GPC5: variants seen among roughly 807,000 people sequenced by gnomAD.
The protein encoded by GPC5 is glypican 5, also known as glypican-5.
GPC5 carries 47 observed loss-of-function variants against 53.9 expected under a neutral mutation model. The observed-to-expected ratio is 0.87, with a 90% CI of 0.69 to 1.11. The LOEUF is 1.11. Ranked by LOEUF, GPC5 falls within the 50% of genes most tolerant of loss-of-function variation. The probability of loss-of-function intolerance (pLI) is 0.00; values close to 1 mark genes in which losing one functional copy is unlikely to be tolerated. For missense variants in GPC5, 748 were observed against 713.1 expected, an observed-to-expected ratio of 1.05 and a Z score of -0.56; for synonymous variants, 286 against 263.3, an observed-to-expected ratio of 1.09 and a Z score of -0.84.
At chr13:92,078,734 G>T (rs945703842) in intron 6 of GPC5, among the ~76,000 whole-genome samples, 2 of 152,092 alleles carry the variant, frequency 1.3e-5, no homozygotes, top group Non-Finnish European at 2.9e-5. Context: ...CCCACTAGTA[G>T]TCCCTAGAAA....
At chr13:92,838,345 G>C (rs1352473045) in intron 7 of GPC5, among the ~76,000 whole-genome samples, 1 of 151,724 alleles carries the variant, frequency 6.6e-6, no homozygotes, top group South Asian at 2.1e-4. Context: ...TTAGCTGGGC[G>C]TGGTGGTGGG....
intron 5 of GPC5, among the ~76,000 whole-genome samples, chr13:91,800,659 C>CCT (rs2038120022): frequency 1.3e-5 from 2 of 152,004 alleles, no homozygotes; most frequent in African/African-American, 4.8e-5. Flanking sequence ...TTTTAAAAGA[C>CCT]CTTTTAGAGG....
chr13:92,300,914 A>T (rs528277313), intron 7 of GPC5, among the ~76,000 whole-genome samples: 216 of 152,354 alleles, frequency 1.4e-3, no homozygotes, highest in Non-Finnish European at 2.3e-3. Flanking sequence ...ATGTGGTCCC[A>T]ATATAGATCC....
chr13:92,492,834 G>A (rs1879818012), intron 7 of GPC5, among the ~76,000 whole-genome samples: 2 of 152,064 alleles, frequency 1.3e-5, no homozygotes, highest in African/African-American at 2.4e-5. Flanking sequence ...TCCAACTGTT[G>A]TCCAGTCAGT....
intron 7 of GPC5, among the ~76,000 whole-genome samples, chr13:92,604,352 A>T (rs979509758): frequency 4.6e-5 from 7 of 152,224 alleles, no homozygotes; most frequent in Non-Finnish European, 8.8e-5. Context: ...TAATATTTGT[A>T]AATACTCAAT....
rs114990184 is a variant in GPC5 at position 92,028,479 on chromosome 13, C to T, written c.1402-116351C>T. On this transcript the variant is annotated intron_variant, in intron 6 of 7. Coordinates refer to ENST00000377067, the MANE Select transcript of GPC5 (RefSeq NM_004466.6). The stretch of plus-strand genomic sequence containing the variant: ...TAATTTTCTTTTAATTTCAGGTGAC[C>T]GTCTCCCAAATTAATTTCTAATTGT... 8.2e-3 allele frequency among the ~76,000 whole-genome samples: 1,249 copies of T among 152,092 alleles called. 17 individuals are homozygous for T. The highest frequency in any genetic ancestry group is 0.028 in the African/African-American group (1,159 of 41,482).
chr13:91,446,464 G>C (rs554109698), intron 1 of GPC5, among the ~76,000 whole-genome samples: 3 of 152,242 alleles, frequency 2.0e-5, no homozygotes, highest in Admixed American at 2.0e-4. Flanking sequence ...CAGAGCCTGG[G>C]TTGTGTACTC....
At chr13:92,376,305 A>G (rs1458431954) in intron 7 of GPC5, among the ~76,000 whole-genome samples, 2 of 152,206 alleles carry the variant, frequency 1.3e-5, no homozygotes, top group South Asian at 4.1e-4. Context: ...GCTGTTTTGC[A>G]TAACGATCTG....
intron 7 of GPC5, among the ~76,000 whole-genome samples, chr13:92,413,594 T>A (rs1876143920): frequency 6.6e-6 from 1 of 152,138 alleles, no homozygotes. Flanking sequence ...GTGGGACAGA[T>A]AAGAGGTTGT....
intron 2 of GPC5, among the ~76,000 whole-genome samples, chr13:91,578,595 CG>C (rs2032226819): frequency 6.6e-6 from 1 of 151,934 alleles, no homozygotes; most frequent in African/African-American, 2.4e-5. Context: ...CATCTATAAT[CG>C]CCTTTCATTT....
At chr13:91,810,290 TA>T (rs1339249813) in intron 5 of GPC5, among the ~76,000 whole-genome samples, 2 of 151,974 alleles carry the variant, frequency 1.3e-5, no homozygotes, top group African/African-American at 4.8e-5. Flanking sequence ...ATTGGATAAT[TA>T]TGTAAGTTGT....
chr13:92,817,015 G>T (rs539518040), intron 7 of GPC5, among the ~76,000 whole-genome samples: 60 of 151,872 alleles, frequency 4.0e-4, no homozygotes, highest in Non-Finnish European at 8.2e-4. Context: ...AACCAAAAAT[G>T]GGTTGGTTCA....
At chr13:91,850,056 T>C (rs2038896010) in intron 5 of GPC5, among the ~76,000 whole-genome samples, 1 of 152,214 alleles carries the variant, frequency 6.6e-6, no homozygotes, top group African/African-American at 2.4e-5. Flanking sequence ...AAATGCTGAT[T>C]ACTTGTATCT....
chr13:92,734,295 T>A (rs1474198613), intron 7 of GPC5, among the ~76,000 whole-genome samples: 2 of 151,846 alleles, frequency 1.3e-5, no homozygotes, highest in Non-Finnish European at 2.9e-5. Flanking sequence ...GGGGATATCC[T>A]CTGGTGCATG....
At position 91,817,288 on chromosome 13, in the gene GPC5, C is replaced by A. The variant is rs138459761; in HGVS notation, c.1280+60868C>A. 9.2e-5 allele frequency among the ~76,000 whole-genome samples: 14 copies of A among 152,194 alleles called. No individual in the cohort carries two copies. The South Asian group carries it at 1.7e-3, about 18-fold the overall frequency. The stretch of plus-strand genomic sequence containing the variant: ...TGGTACATAATGGGAATGAATTATT[C>A]TTCAAACTTATTTTAGTCCAAAAAG... On this transcript the variant is annotated intron_variant, in intron 5 of 7. Transcript: ENST00000377067.
intron 2 of GPC5, among the ~76,000 whole-genome samples, chr13:91,648,358 G>T (rs570561099): frequency 1.8e-4 from 27 of 148,768 alleles, no homozygotes; most frequent in African/African-American, 5.9e-4. Context: ...ATTAAGACAG[G>T]TTTTTTTTTT....
At chr13:92,363,897 TG>T (rs145158322) in intron 7 of GPC5, among the ~76,000 whole-genome samples, 2,770 of 151,760 alleles carry the variant, frequency 0.018, 196 homozygotes, top group African/African-American at 0.064. Flanking sequence ...GATGTAGAGC[TG>T]AAAAAGATGA....
At chr13:91,947,380 C>T (rs989463225) in intron 6 of GPC5, among the ~76,000 whole-genome samples, 3 of 152,120 alleles carry the variant, frequency 2.0e-5, no homozygotes, top group African/African-American at 7.2e-5. Context: ...GTAATTTCTC[C>T]CTTTCTGGGT....
intron 2 of GPC5, among the ~76,000 whole-genome samples, chr13:91,496,816 G>A (rs984542382): frequency 2.6e-5 from 4 of 152,114 alleles, no homozygotes; most frequent in Non-Finnish European, 5.9e-5. Flanking sequence ...TGCTTGAGGG[G>A]ATGGATACCC....
Sources: allele counts gnomAD v4.1 joint callset (sites outside exome capture counted in the v4.1 genomes callset), GRCh38; gene constraint gnomAD v4.1.1; transcripts MANE v1.5; gene names NCBI Gene and HGNC (gene_info 2026-07-23, HGNC 2026-07-21).